ADAMTSL1: variants seen among roughly 807,000 people sequenced by gnomAD.
ADAMTSL1 encodes ADAMTS-like protein 1.
A neutral mutation model predicts 201.8 loss-of-function variants in ADAMTSL1; 126 were observed. The ratio of observed to expected loss-of-function variants is 0.62; its 90% CI spans 0.54 to 0.72. The LOEUF (loss-of-function observed/expected upper bound fraction) is 0.72, where lower values mean the gene tolerates loss of function less well. ADAMTSL1 is among the 30% of genes least tolerant of loss of function. The pLI, the probability that ADAMTSL1 is intolerant of heterozygous loss-of-function variation, is 0.00. For synonymous variants in ADAMTSL1, 1,121 were observed against 903.4 expected, an observed-to-expected ratio of 1.24 and a Z score of -4.32; for missense variants, 2,679 against 2,277.8, an observed-to-expected ratio of 1.18 and a Z score of -3.59.
intron 4 of ADAMTSL1, among the ~76,000 whole-genome samples, chr9:18,591,940 G>A (rs926016618): frequency 3.3e-5 from 5 of 152,236 alleles, no homozygotes; most frequent in Admixed American, 2.6e-4. Flanking sequence ...TGGCAGATGA[G>A]GCAAAACTTA....
intron 2 of ADAMTSL1, among the ~76,000 whole-genome samples, chr9:18,200,321 A>G (rs1271051741): frequency 6.6e-6 from 1 of 151,940 alleles, no homozygotes; most frequent in African/African-American, 2.4e-5. Context: ...TTGTTTTTTA[A>G]TGTTTTGCTT....
chr9:18,084,559 G>A (rs1280303045), intron 1 of ADAMTSL1, among the ~76,000 whole-genome samples: 3 of 151,808 alleles, frequency 2.0e-5, no homozygotes, highest in Admixed American at 6.6e-5. Flanking sequence ...AAAAGAGGTG[G>A]TGATGGAATT....
chr9:18,112,411 T>A (rs1024854321), intron 1 of ADAMTSL1, among the ~76,000 whole-genome samples: 3 of 152,034 alleles, frequency 2.0e-5, no homozygotes, highest in African/African-American at 7.2e-5. Flanking sequence ...CCATACAGAT[T>A]CTCAGAGATT....
chr9:18,461,691 A>C (rs1395039847), intron 2 of ADAMTSL1, among the ~76,000 whole-genome samples: 1 of 152,168 alleles, frequency 6.6e-6, no homozygotes, highest in East Asian at 1.9e-4. Context: ...AGACCTCAGG[A>C]GTGAGAGAAG....
intron 1 of ADAMTSL1, among the ~76,000 whole-genome samples, chr9:17,995,495 CA>C: frequency 6.6e-6 from 1 of 151,952 alleles, no homozygotes; most frequent in Non-Finnish European, 1.5e-5. Flanking sequence ...CATTTTTTGG[CA>C]AAAGGAAATT....
chr9:18,807,704 C>G (rs1823252336), intron 20 of ADAMTSL1, among the ~76,000 whole-genome samples: 1 of 151,506 alleles, frequency 6.6e-6, no homozygotes, highest in Non-Finnish European at 1.5e-5. Flanking sequence ...TGAGGCGCGG[C>G]GCATTCAGTG....
At chr9:18,192,365 C>G (rs2132236011) in intron 2 of ADAMTSL1, among the ~76,000 whole-genome samples, 1 of 152,110 alleles carries the variant, frequency 6.6e-6, no homozygotes, top group East Asian at 1.9e-4. Flanking sequence ...CTTCAAATCC[C>G]CTAAAGAAGT....
At position 18,562,494 on chromosome 9, in the gene ADAMTSL1, C is replaced by T. The variant is rs1172328782; in HGVS notation, c.238-11536C>T. 3.3e-5 allele frequency among the ~76,000 whole-genome samples: 5 copies of T among 152,088 alleles called. No homozygotes were observed. The East Asian group carries it at 5.8e-4, about 18-fold the overall frequency. On this transcript the variant is annotated intron_variant, in intron 3 of 28. Transcript: ENST00000380548. ...CTTGCCGAATATGACAATTATGTGT[C>T]TTGGGGTTGCTCTTCTTGTGGAGTA...
chr9:18,558,038 C>G (rs1255783674), intron 3 of ADAMTSL1, among the ~76,000 whole-genome samples: 1 of 151,944 alleles, frequency 6.6e-6, no homozygotes, highest in African/African-American at 2.4e-5. Flanking sequence ...ACTTTAAATA[C>G]TGGGATACAC....
At chr9:18,204,859 C>G (rs1240053253) in intron 2 of ADAMTSL1, among the ~76,000 whole-genome samples, 1 of 152,120 alleles carries the variant, frequency 6.6e-6, no homozygotes, top group Non-Finnish European at 1.5e-5. Context: ...TTTGTTTGTT[C>G]TAGAATAAGC....
At chr9:18,181,454 A>G (rs1828473059) in intron 2 of ADAMTSL1, among the ~76,000 whole-genome samples, 1 of 151,944 alleles carries the variant, frequency 6.6e-6, no homozygotes, top group African/African-American at 2.4e-5. Context: ...AAAACAAACA[A>G]CCCGATCAAA....
chr9:18,153,955 A>G (rs1386193257), intron 1 of ADAMTSL1, among the ~76,000 whole-genome samples: 2 of 152,078 alleles, frequency 1.3e-5, no homozygotes, highest in Admixed American at 6.6e-5. Context: ...GTAGTGAGGC[A>G]TACAGGGAAA....
intron 4 of ADAMTSL1, among the ~76,000 whole-genome samples, chr9:18,592,085 T>C (rs754989857): frequency 2.6e-5 from 4 of 152,194 alleles, no homozygotes; most frequent in Non-Finnish European, 4.4e-5. Context: ...CTCATTGATT[T>C]GCTAAGCATA....
chr9:18,382,265 T>C (rs1447432848), intron 2 of ADAMTSL1, among the ~76,000 whole-genome samples: 1 of 152,184 alleles, frequency 6.6e-6, no homozygotes, highest in East Asian at 1.9e-4. Flanking sequence ...CTTTAGGATG[T>C]CAGTGAAGAC....
chr9:18,081,381 G>T (rs184803701), intron 1 of ADAMTSL1, among the ~76,000 whole-genome samples: 95 of 151,962 alleles, frequency 6.3e-4, no homozygotes, highest in African/African-American at 2.2e-3. Flanking sequence ...CTTTTTCATT[G>T]TTTTTTTCTG....
At chr9:18,050,526 T>A (rs1821885407) in intron 1 of ADAMTSL1, among the ~76,000 whole-genome samples, 1 of 152,224 alleles carries the variant, frequency 6.6e-6, no homozygotes, top group African/African-American at 2.4e-5. Context: ...ATTGAAAGTA[T>A]CTCCTTATTT....
intron 1 of ADAMTSL1, among the ~76,000 whole-genome samples, chr9:17,925,111 T>C (rs1206738373): frequency 0.014 from 1,248 of 90,904 alleles, 105 homozygotes; most frequent in African/African-American, 0.044. Context: ...AAAATGCTCA[T>C]CATCACTGGC....
At chr9:18,699,968 G>A (rs1244588732) in intron 13 of ADAMTSL1, among the ~76,000 whole-genome samples, 1 of 152,162 alleles carries the variant, frequency 6.6e-6, no homozygotes, top group Non-Finnish European at 1.5e-5. Flanking sequence ...TAACTAGCAT[G>A]ATTTATTTGC....
intron 2 of ADAMTSL1, among the ~76,000 whole-genome samples, chr9:18,452,825 C>G (rs973918776): frequency 6.6e-6 from 1 of 152,246 alleles, no homozygotes; most frequent in Non-Finnish European, 1.5e-5. Flanking sequence ...CTCACGCAGC[C>G]TCATTCCTTT....
Sources: gnomAD v4.1 joint callset for allele counts (sites outside exome capture counted in the v4.1 genomes callset) on GRCh38, gnomAD v4.1.1 for gene constraint, MANE v1.5 for transcripts, NCBI Gene and HGNC (gene_info 2026-07-23, HGNC 2026-07-21) for gene names.